The following RACK1 variants were observed in gnomAD, a reference collection of about 807,000 sequenced individuals.
The protein encoded by RACK1 is receptor for activated C kinase 1.
In RACK1, 3 loss-of-function variants were observed where a neutral mutation model predicts 42.2. The ratio of observed to expected loss-of-function variants is 0.07; its 90% CI spans 0.03 to 0.18. The LOEUF is 0.18. RACK1 is among the 10% of genes least tolerant of loss of function. RACK1 has a pLI of 1.00. For missense variants in RACK1, 146 were observed against 403.2 expected (o/e 0.36, Z 5.46); for synonymous variants, 181 against 154.8 (o/e 1.17, Z -1.25).
chr5:181,243,129 A>T, intron 1 of RACK1: 1 of 547,588 alleles, frequency 1.8e-6, no homozygotes, highest in Non-Finnish European at 3.0e-6. Flanking sequence ...GCCAGACATG[A>T]TTCAAAAGTC....
At chr5:181,243,488 G>T in intron 1 of RACK1, 3 of 1,448,794 alleles carry the variant, frequency 2.1e-6, no homozygotes, top group Non-Finnish European at 2.8e-6. Flanking sequence ...GTACACGTAG[G>T]TTCTCATCTG....
intron 5 of RACK1, chr5:181,238,681 A>T (rs1164253062): frequency 2.8e-6 from 1 of 361,456 alleles, no homozygotes; most frequent in Non-Finnish European, 5.3e-6. Context: ...GGGTGCCTGT[A>T]ATCCTAGCTA....
chr5:181,242,430 A>C, intron 1 of RACK1, 85 bp from the exon 2 acceptor site: 14 of 909,700 alleles, frequency 1.5e-5, no homozygotes, highest in Non-Finnish European at 2.3e-5. Context: ...TGTCAAGGTC[A>C]TGAGTGGGTT....
rs753003321 is a variant in RACK1, at chr5:181,239,378, GAA to G, written c.525+107_525+108del. 26 of 832,626 alleles carry G rather than the reference GAA, an allele frequency of 3.1e-5. 1 individual carries two copies. Among genetic ancestry groups the G allele is most frequent in the South Asian group, 2.8e-4 (21 of 73,994 alleles). The allele number at this position is 832,626 out of a possible 1,614,324, so 51.6% of individuals were successfully genotyped here. ...AGGGACATCAGACCATGTGACAAGA[GAA>G]AGAGTCAACTGAGGGCATCTGCAAA... On this transcript the variant is annotated intron_variant, in intron 4 of 7. Coordinates refer to ENST00000512805, the MANE Select transcript of RACK1 (RefSeq NM_006098.5).
rs534162666 is a variant in RACK1, at chr5:181,241,333, G to C, written c.429+159C>G. ...TAGTACCAGCTACTCGGGAGACTGA[G>C]GCACCAGAATCCCTTGAGCCCGGGA... On this transcript the variant is annotated intron_variant, in intron 3 of 7. Transcript: ENST00000512805. The C allele has an allele frequency of 4.7e-5, 30 of 638,540 alleles. No homozygotes were observed. The East Asian group carries it at 7.1e-4, about 15-fold the overall frequency. 39.6% of individuals were successfully genotyped at this position (638,540 alleles called of 1,614,324 possible).
At chr5:181,243,568 GTC>G (rs1759439780) in intron 1 of RACK1, 122 bp downstream of exon 1, 1 of 1,414,652 alleles carries the variant, frequency 7.1e-7, no homozygotes, top group Admixed American at 2.1e-5. Flanking sequence ...GGGCAGAGAA[GTC>G]TGTCAGTCCC....
intron 6 of RACK1, 168 bp downstream of exon 6, chr5:181,237,931 T>G (rs984174982): frequency 2.9e-6 from 2 of 693,448 alleles, no homozygotes. Context: ...CATCCTGGAA[T>G]GTACAGGACT....
chr5:181,243,846 G>A lies in RACK1; in HGVS notation c.-46C>T, dbSNP rs777449136. 48 of 1,557,544 alleles carry A rather than the reference G, an allele frequency of 3.1e-5. No homozygotes were observed. Among genetic ancestry groups the A allele is most frequent in the Middle Eastern group, 1.8e-4 (1 of 5,434 alleles). On this transcript the variant is annotated 5_prime_UTR_variant, in exon 1 of 8. Transcript: ENST00000512805. ...TCGCTGCAGCGACGAGGATGGCACTGGATGGCTTAGAGAAACTAGCACCAC... is the reference window on the plus strand; with the variant it reads ...TCGCTGCAGCGACGAGGATGGCACTAGATGGCTTAGAGAAACTAGCACCAC...
chr5:181,237,976 C>A (rs1759203734), intron 6 of RACK1, 123 bp downstream of exon 6: 1 of 1,042,858 alleles, frequency 9.6e-7, no homozygotes, highest in African/African-American at 1.6e-5. Context: ...ACCAAAATGT[C>A]ATTACGTGGA....
chr5:181,238,458 T>C (rs150026038), intron 5 of RACK1: 1 of 517,472 alleles, frequency 1.9e-6, no homozygotes, highest in Non-Finnish European at 3.4e-6. Context: ...CTTACATAAA[T>C]CACTCCAATC....
chr5:181,239,512 G>A lies in RACK1; in HGVS notation c.500C>T (p.Ser167Phe). The A allele has an allele frequency of 6.2e-7, 1 of 1,613,818 alleles. No homozygotes were observed. Among genetic ancestry groups the A allele is most frequent in the Admixed American group, 1.7e-5 (1 of 60,016 alleles). Reference sequence around the variant, plus strand: ...CTTGACCAGCTTGTCCCAGCCACAGGAGACGATGATAGGGTTGCTGCTGTT... The same window carrying A: ...CTTGACCAGCTTGTCCCAGCCACAGAAGACGATGATAGGGTTGCTGCTGTT... ...SPNSSNPIIV[S>F]CGWDKLVKVW... The change falls in exon 4 of 8, where the codon TCC becomes TTC. Residue 167 changes from serine (S) to phenylalanine (F), a missense_variant. By Grantham distance (155) the Ser-to-Phe change is radical. Coordinates refer to ENST00000512805, the MANE Select transcript of RACK1 (RefSeq NM_006098.5).
intron 3 of RACK1, 24 bp from the exon 4 acceptor site, chr5:181,239,606 A>G: frequency 6.8e-7 from 1 of 1,478,516 alleles, no homozygotes. Flanking sequence ...AAAGGAAATT[A>G]GGGCAAACAG....
rs765804087 is a variant in RACK1, at chr5:181,237,205, A to C, written c.889-163T>G. On this transcript the variant is annotated intron_variant, in intron 7 of 7. Coordinates refer to ENST00000512805, the MANE Select transcript of RACK1 (RefSeq NM_006098.5). ...GCTCACTACAGCCTTAAGCCCCTGC[A>C]GTTCAAGAGATCCTCCCACCTCAGC... is the stretch of plus-strand genomic sequence containing the variant. The C allele has an allele frequency of 1.5e-5, 20 of 1,348,524 alleles. No individual in the cohort carries two copies. The Admixed American group carries it at 3.7e-4, about 25-fold the overall frequency. The allele number at this position is 1,348,524 out of a possible 1,614,324, so 83.5% of individuals were successfully genotyped here. A position where few individuals can be genotyped will look rare whatever the true frequency, so the allele number is the denominator to read the frequency against.
intron 1 of RACK1, 164 bp from the exon 2 acceptor site, chr5:181,242,509 G>A: frequency 1.5e-6 from 1 of 681,008 alleles, no homozygotes; most frequent in Non-Finnish European, 2.7e-6. Flanking sequence ...CCAGGACTGA[G>A]TGGCTCTATT....
intron 1 of RACK1, 162 bp downstream of exon 1, chr5:181,243,530 T>A: frequency 7.1e-7 from 1 of 1,401,270 alleles, no homozygotes; most frequent in Non-Finnish European, 9.6e-7. Flanking sequence ...AGGCCTAGGC[T>A]CGGGTCCGCA....
chr5:181,237,407 C>T (rs1759180864), intron 7 of RACK1: 2 of 687,232 alleles, frequency 2.9e-6, no homozygotes, highest in Admixed American at 4.1e-5. Context: ...CTGACAGCCA[C>T]TGCGTTCCAC....
At chr5:181,238,491 A>G (rs1759219067) in intron 5 of RACK1, 1 of 442,628 alleles carries the variant, frequency 2.3e-6, no homozygotes, top group African/African-American at 2.0e-5. Context: ...CAGGATCCCA[A>G]TCTCATCAAC....
intron 1 of RACK1, chr5:181,243,366 G>C (rs1410135874): frequency 1.4e-6 from 2 of 1,394,550 alleles, no homozygotes; most frequent in African/African-American, 2.9e-5. Flanking sequence ...GCATGTTGGG[G>C]TCATCACCGC....
At chr5:181,243,487 G>T in intron 1 of RACK1, 1 of 1,449,512 alleles carries the variant, frequency 6.9e-7, no homozygotes, top group Non-Finnish European at 9.2e-7. Context: ...TGTACACGTA[G>T]GTTCTCATCT....
Sources: allele counts gnomAD v4.1 joint callset, GRCh38; gene constraint gnomAD v4.1.1; transcripts MANE v1.5; gene names NCBI Gene and HGNC (gene_info 2026-07-23, HGNC 2026-07-21).